CABIN1: variants seen among roughly 807,000 people sequenced by gnomAD.
CABIN1 encodes the protein calcineurin-binding protein cabin-1.
Under a neutral mutation model 227.7 loss-of-function variants are expected in CABIN1, and 133 were observed. That is an observed-to-expected ratio of 0.58 (90% CI 0.51 to 0.67). The LOEUF is 0.67. Ranked by LOEUF, CABIN1 falls within the 30% of genes least tolerant of loss-of-function variation. The pLI is 0.00. For missense variants in CABIN1, 2,408 were observed against 2,852.5 expected, an observed-to-expected ratio of 0.84 and a Z score of 3.55; for synonymous variants, 1,086 against 1,155.1, an observed-to-expected ratio of 0.94 and a Z score of 1.21.
chr22:24,027,912 G>T lies in CABIN1; in HGVS notation c.-74-7532G>T, dbSNP rs148317488. ...ATTGACTAAGATACAGATTGAGGAG[G>T]TCTCTTCCACTTTGGGTCTACTGGC... On this transcript the variant is annotated intron_variant, in intron 1 of 36. Transcript: ENST00000263119. 2.3e-3 allele frequency among the ~76,000 whole-genome samples: 340 copies of T among 150,778 alleles called. 4 individuals carry two copies. The highest frequency in any genetic ancestry group is 8.0e-3 in the African/African-American group (327 of 41,098).
chr22:24,176,331 G>C, intron 35 of CABIN1, 56 bp downstream of exon 35: 1 of 1,548,924 alleles, frequency 6.5e-7, no homozygotes, highest in African/African-American at 1.4e-5. Context: ...CCTCACAGCT[G>C]GCAGCCAGGG....
At position 24,177,297 on chromosome 22, in the gene CABIN1, C is replaced by T. The variant is rs927822953; in HGVS notation, c.6206-207C>T. Among the ~76,000 whole-genome samples, 11 of 152,172 alleles carry T rather than the reference C, an allele frequency of 7.2e-5. No individual in the cohort carries two copies. Among genetic ancestry groups the T allele is most frequent in the Admixed American group, 7.2e-4 (11 of 15,280 alleles). The stretch of plus-strand genomic sequence containing the variant: ...GTGTTACTGGGTAAGGTTCACAGTC[C>T]CAGCACCCCACAGCTCAGAGCCAGA... On this transcript the variant is annotated intron_variant, in intron 35 of 36. Coordinates refer to ENST00000263119, the MANE Select transcript of CABIN1 (RefSeq NM_012295.4). This position sits in a 1 kb window ranked among gnomAD's most constrained non-coding sequence, Gnocchi z 4.4.
At chr22:24,173,693 G>A (rs1248146952) in intron 34 of CABIN1, among the ~76,000 whole-genome samples, 3 of 152,192 alleles carry the variant, frequency 2.0e-5, no homozygotes, top group Non-Finnish European at 4.4e-5. Flanking sequence ...AATTAGCTGG[G>A]TGTGGTGGTG....
At position 24,054,873 on chromosome 22, in the gene CABIN1, C is replaced by T. The variant is rs2038660624; in HGVS notation, c.807C>T (p.Thr269=). 1 of 1,614,188 alleles carries T rather than the reference C, an allele frequency of 6.2e-7. No individual in the cohort carries two copies. The highest frequency in any genetic ancestry group is 2.2e-5 in the East Asian group (1 of 44,880). The change falls in exon 9 of 37, where the codon ACC becomes ACT. Residue 269 remains threonine, a splice_region_variant and synonymous_variant. Coordinates refer to ENST00000263119, the MANE Select transcript of CABIN1 (RefSeq NM_012295.4). ...LKLVQPIPFF[T]WKCLGESLLA... ...AGGTGTTGTGGCCCTCTCCCTTTAG[C>T]TGGAAGTGCCTCGGAGAGAGCTTGC...
intron 35 of CABIN1, among the ~76,000 whole-genome samples, chr22:24,176,571 G>A (rs906757154): frequency 1.3e-5 from 2 of 152,206 alleles, no homozygotes; most frequent in Non-Finnish European, 2.9e-5. Flanking sequence ...CGGCCTGCTT[G>A]GGCCCACTGC....
intron 8 of CABIN1, 40 bp from the exon 9 acceptor site, chr22:24,054,833 G>A (rs2147407221): frequency 6.2e-7 from 1 of 1,613,868 alleles, no homozygotes; most frequent in Middle Eastern, 1.7e-4. Context: ...GTATTCCTCT[G>A]ACAGGGTGGT....
At chr22:24,164,801 G>A (rs1210496130) in intron 30 of CABIN1, among the ~76,000 whole-genome samples, 3 of 152,128 alleles carry the variant, frequency 2.0e-5, no homozygotes, top group African/African-American at 4.8e-5. Context: ...CTGGTTCCAC[G>A]TTGAGACTCT....
chr22:24,056,114 G>C, intron 9 of CABIN1, 78 bp from the exon 10 acceptor site: 2 of 1,194,466 alleles, frequency 1.7e-6, no homozygotes, highest in South Asian at 2.5e-5. Context: ...TATAAAAGAG[G>C]GAGATTGATG....
In CABIN1 at chr22:24,042,930, C is replaced by T. The variant is rs1161233493; in HGVS notation, c.372C>T (p.Val124=). The change falls in exon 6 of 37, where the codon GTC becomes GTT. Residue 124 remains valine (V), a synonymous_variant. Transcript: ENST00000263119. The part of the protein sequence containing the change: ...LEAVMLDSTD[V]NLWYKIGHVA... ...CAGTGATGCTGGACTCCACAGATGT[C>T]AACCTCTGGTATAAGATTGGACATG... The T allele has an allele frequency of 6.2e-7, 1 of 1,601,322 alleles. No homozygotes were observed. The highest frequency in any genetic ancestry group is 8.5e-7 in the Non-Finnish European group (1 of 1,173,964).
At chr22:24,110,191 A>G (rs1477972883) in intron 26 of CABIN1, among the ~76,000 whole-genome samples, 3 of 152,144 alleles carry the variant, frequency 2.0e-5, no homozygotes, top group African/African-American at 7.2e-5. Context: ...TTTAAGTTCT[A>G]TTTTATCTCT....
At chr22:24,146,194 C>G (rs554257458) in intron 29 of CABIN1, among the ~76,000 whole-genome samples, 21 of 152,342 alleles carry the variant, frequency 1.4e-4, no homozygotes, top group African/African-American at 5.1e-4. Flanking sequence ...AATTGCTGCA[C>G]TAGCACTATT....
chr22:24,178,353 G>GTACCCA lies in CABIN1; in HGVS notation c.*158_*163dup. Reference sequence around the variant, plus strand: ...CCCACCTCCTCATGGCATCCTCCCTGTACCCAGGTCAGGCTGTCCACACCA... The same window carrying GTACCCA: ...CCCACCTCCTCATGGCATCCTCCCTGTACCCATACCCAGGTCAGGCTGTCCACACCA... On this transcript the variant is annotated 3_prime_UTR_variant, in exon 37 of 37. Transcript: ENST00000263119. 1 of 902,860 alleles carries GTACCCA rather than the reference G, an allele frequency of 1.1e-6. No homozygotes were observed. Among genetic ancestry groups the GTACCCA allele is most frequent in the South Asian group, 1.6e-5 (1 of 61,476 alleles). The allele number at this position is 902,860 out of a possible 1,614,324, so 55.9% of individuals were successfully genotyped here.
At chr22:24,130,899 T>C (rs1457715564) in intron 28 of CABIN1, among the ~76,000 whole-genome samples, 1 of 152,212 alleles carries the variant, frequency 6.6e-6, no homozygotes, top group East Asian at 1.9e-4. Context: ...AGGTTGGGTT[T>C]GACAGGCTAG....
At chr22:24,032,875 G>A (rs1399106866) in intron 1 of CABIN1, among the ~76,000 whole-genome samples, 6 of 152,080 alleles carry the variant, frequency 3.9e-5, no homozygotes, top group African/African-American at 1.2e-4. Context: ...TCAGGAATTC[G>A]AGACCAGCCT....
chr22:24,091,389 C>T (rs112142984), intron 23 of CABIN1, among the ~76,000 whole-genome samples, 194 bp from the exon 24 acceptor site: 12 of 152,236 alleles, frequency 7.9e-5, no homozygotes, highest in Non-Finnish European at 1.2e-4. Context: ...GCTTGGTGGG[C>T]GCTTTTGAGA....
intron 19 of CABIN1, among the ~76,000 whole-genome samples, chr22:24,081,446 G>A (rs2040801143): frequency 6.6e-6 from 1 of 152,100 alleles, no homozygotes; most frequent in Non-Finnish European, 1.5e-5. Flanking sequence ...GCTTTAAAAA[G>A]TTCTGTGGTA....
intron 29 of CABIN1, among the ~76,000 whole-genome samples, chr22:24,151,254 C>T (rs758347608): frequency 1.4e-4 from 22 of 152,136 alleles, no homozygotes; most frequent in Non-Finnish European, 4.4e-5. Context: ...CCTGTGCAGG[C>T]CGTCCAGGGA....
rs537035144 is a variant in CABIN1 at position 24,082,158 on chromosome 22, C to T, written c.2749-1070C>T. Among the ~76,000 whole-genome samples the T allele has an allele frequency of 2.7e-5, 4 of 146,162 alleles. No homozygotes were observed. In the East Asian group the frequency reaches 8.2e-4, roughly 30 times the overall value. The stretch of plus-strand genomic sequence containing the variant: ...TGCTAAGAGTGCAGTGGTACGATCA[C>T]AGCTCACTGCAGCCTGGACCTCCTG... On this transcript the variant is annotated intron_variant, in intron 19 of 36. Coordinates refer to ENST00000263119, the MANE Select transcript of CABIN1 (RefSeq NM_012295.4).
chr22:24,143,221 C>T (rs1381467278), intron 29 of CABIN1, among the ~76,000 whole-genome samples: 2 of 152,178 alleles, frequency 1.3e-5, no homozygotes, highest in Non-Finnish European at 2.9e-5. Flanking sequence ...CCCCTGGTTC[C>T]TACACCGGGA....
Sources: allele counts gnomAD v4.1 joint callset (sites outside exome capture counted in the v4.1 genomes callset), GRCh38; gene constraint gnomAD v4.1.1; non-coding constraint Gnocchi (gnomAD v3.1); transcripts MANE v1.5; gene names NCBI Gene and HGNC (gene_info 2026-07-23, HGNC 2026-07-21).